Variants in STK3 observed in about 807,000 individuals in gnomAD.
The protein encoded by STK3 is serine/threonine-protein kinase 3.
STK3 carries 41 observed loss-of-function variants against 58.0 expected under a neutral mutation model. The ratio of observed to expected loss-of-function variants is 0.71; its 90% CI spans 0.55 to 0.92. The LOEUF (loss-of-function observed/expected upper bound fraction) is 0.92. STK3 is among the 40% of genes least tolerant of loss of function. STK3 has a pLI of 0.00. For synonymous variants in STK3, 170 were observed against 191.0 expected, an observed-to-expected ratio of 0.89 and a Z score of 0.91; for missense variants, 479 against 602.7, an observed-to-expected ratio of 0.79 and a Z score of 2.15.
intron 1 of STK3, among the ~76,000 whole-genome samples, chr8:98,915,791 C>A (rs754054898): frequency 8.7e-4 from 132 of 152,192 alleles, no homozygotes; most frequent in Non-Finnish European, 1.4e-3. Flanking sequence ...CCCCTCCACA[C>A]ACATCAAGTT....
At chr8:98,872,977 G>A (rs563377320) in intron 3 of STK3, among the ~76,000 whole-genome samples, 1 of 152,122 alleles carries the variant, frequency 6.6e-6, no homozygotes, top group Non-Finnish European at 1.5e-5. Context: ...TGGGTATTTA[G>A]TGCTATAAAT....
rs553327952 is a variant in STK3, at chr8:98,680,452, T to C, written c.684+26015A>G. 2.0e-5 allele frequency among the ~76,000 whole-genome samples: 3 copies of C among 152,128 alleles called. No individual in the cohort carries two copies. In the East Asian group the frequency reaches 5.8e-4, roughly 29 times the overall value. ...TACCAACAAACTGAAACATGGAAAATAACAAAAGCCGATGCTATGATGGCT... is the reference window on the plus strand; with the variant it reads ...TACCAACAAACTGAAACATGGAAAACAACAAAAGCCGATGCTATGATGGCT... On this transcript the variant is annotated intron_variant, in intron 6 of 10. Coordinates refer to ENST00000419617, the MANE Select transcript of STK3 (RefSeq NM_006281.4).
intron 1 of STK3, among the ~76,000 whole-genome samples, chr8:98,779,380 T>C (rs970551031): frequency 6.6e-6 from 1 of 152,236 alleles, no homozygotes; most frequent in African/African-American, 2.4e-5. Context: ...AAGAAAATGA[T>C]TGCTTATCAG....
chr8:98,794,818 A>G (rs900505988), intron 1 of STK3, among the ~76,000 whole-genome samples: 6 of 152,022 alleles, frequency 3.9e-5, no homozygotes, highest in African/African-American at 1.4e-4. Context: ...CTGTAATCCC[A>G]GCACTTTGGG....
At chr8:98,598,831 C>A (rs1816059553) in intron 6 of STK3, 3 of 985,426 alleles carry the variant, frequency 3.0e-6, no homozygotes, top group Non-Finnish European at 3.6e-6. Flanking sequence ...TGCTTAACTA[C>A]ATACCAAACC....
chr8:98,489,706 C>G (rs1822546504), intron 10 of STK3, among the ~76,000 whole-genome samples: 1 of 152,090 alleles, frequency 6.6e-6, no homozygotes, highest in Non-Finnish European at 1.5e-5. Context: ...TATAACTATT[C>G]CTAATAACTG....
intron 10 of STK3, among the ~76,000 whole-genome samples, chr8:98,501,359 G>A (rs1055779896): frequency 2.0e-5 from 3 of 151,932 alleles, no homozygotes; most frequent in African/African-American, 7.3e-5. Flanking sequence ...TAGATTGCCT[G>A]TTCACTCTGA....
chr8:98,408,214 C>T (rs575354025), intron 3 of STK3, among the ~76,000 whole-genome samples: 46 of 152,246 alleles, frequency 3.0e-4, no homozygotes, highest in African/African-American at 1.1e-3. Context: ...GATGATGATT[C>T]CCCTTCTCCT....
Position 98,661,457 on chromosome 8 carries a change from A to G in STK3, c.684+45010T>C, listed in dbSNP as rs543726330. On this transcript the variant is annotated intron_variant, in intron 6 of 10. Transcript: ENST00000419617. ...TAATACCTTAATCCAGGGTATCATC[A>G]TTTCTCCCCTGGATTATTGGCAGCC... Among the ~76,000 whole-genome samples the G allele has an allele frequency of 7.0e-4, 107 of 151,980 alleles. 1 individual carries two copies. The highest frequency in any genetic ancestry group is 2.6e-3 in the African/African-American group (106 of 41,468).
rs190731074 is a variant in STK3, at chr8:98,742,407, G to C, written c.351+6869C>G. Among the ~76,000 whole-genome samples, 281 of 124,782 alleles carry C rather than the reference G, an allele frequency of 2.3e-3. 43 individuals are homozygous for C. The highest frequency in any genetic ancestry group is 8.0e-3 in the African/African-American group (262 of 32,678). 81.9% of individuals were successfully genotyped at this position (124,782 alleles called of 152,430 possible). A position where few individuals can be genotyped will look rare whatever the true frequency, so the allele number is the denominator to read the frequency against. On this transcript the variant is annotated intron_variant, in intron 4 of 10. Coordinates refer to ENST00000419617, the MANE Select transcript of STK3 (RefSeq NM_006281.4). ...CATGACCAAGTGGGATTCATCCCTG[G>C]GATGCAAGGCTGGTTCAACATACGC...
intron 3 of STK3, among the ~76,000 whole-genome samples, chr8:98,832,306 T>A (rs1835564860): frequency 6.6e-6 from 1 of 150,526 alleles, no homozygotes; most frequent in African/African-American, 2.4e-5. Context: ...AGGCAGACAC[T>A]CACATGCACA....
chr8:98,437,114 T>C (rs1818518609), exon 2 of STK3: 1 of 152,292 alleles, frequency 6.6e-6, no homozygotes, highest in African/African-American at 2.4e-5. Flanking sequence ...AGTGACTTCT[T>C]GGCCACCGTT....
At chr8:98,459,225 C>T (rs1189879330) in intron 10 of STK3, among the ~76,000 whole-genome samples, 1 of 152,238 alleles carries the variant, frequency 6.6e-6, no homozygotes, top group Non-Finnish European at 1.5e-5. Flanking sequence ...TATGCTTTAG[C>T]AAAGGGACTG....
At chr8:98,768,704 A>G (rs1018206089) in intron 2 of STK3, among the ~76,000 whole-genome samples, 1 of 152,232 alleles carries the variant, frequency 6.6e-6, no homozygotes, top group Non-Finnish European at 1.5e-5. Flanking sequence ...TACGAAAGAG[A>G]AGCTGCAATC....
At chr8:98,482,174 A>C (rs1244751797) in intron 10 of STK3, among the ~76,000 whole-genome samples, 1 of 152,226 alleles carries the variant, frequency 6.6e-6, no homozygotes, top group Non-Finnish European at 1.5e-5. Context: ...AATTTTTGAC[A>C]TGCAAGTCTT....
intron 1 of STK3, among the ~76,000 whole-genome samples, chr8:98,886,285 T>C (rs1486297796): frequency 6.6e-6 from 1 of 152,182 alleles, no homozygotes; most frequent in African/African-American, 2.4e-5. Flanking sequence ...TGTACTAGAG[T>C]TGGGTAAGAT....
intron 10 of STK3, among the ~76,000 whole-genome samples, chr8:98,484,968 G>A (rs770570683): frequency 6.6e-5 from 10 of 152,060 alleles, no homozygotes; most frequent in South Asian, 2.1e-4. Flanking sequence ...GGCCGGGTAC[G>A]GTGGCTCACG....
chr8:98,619,436 A>C (rs1044479152), intron 6 of STK3, among the ~76,000 whole-genome samples: 16 of 149,562 alleles, frequency 1.1e-4, no homozygotes, highest in African/African-American at 3.8e-4. Context: ...CACCAAAAGC[A>C]ATGGCAACAA....
At chr8:98,434,897 G>A (rs1392734659) in intron 2 of STK3, among the ~76,000 whole-genome samples, 1 of 152,194 alleles carries the variant, frequency 6.6e-6, no homozygotes, top group African/African-American at 2.4e-5. Context: ...AAAAAGAGAG[G>A]CAATGTCTAG....
Sources: allele counts gnomAD v4.1 joint callset (sites outside exome capture counted in the v4.1 genomes callset), GRCh38; gene constraint gnomAD v4.1.1; transcripts MANE v1.5; gene names NCBI Gene and HGNC (gene_info 2026-07-23, HGNC 2026-07-21).